Variants in VPS41 observed in about 807,000 individuals in gnomAD.
VPS41 encodes VPS41 subunit of HOPS complex.
A neutral mutation model predicts 130.9 loss-of-function variants in VPS41; 85 were observed. The observed-to-expected ratio is 0.65, with a 90% confidence interval of 0.55 to 0.78. The LOEUF (loss-of-function observed/expected upper bound fraction) is 0.78, where lower values mean the gene tolerates loss of function less well. Ranked by LOEUF, VPS41 falls within the 30% of genes least tolerant of loss-of-function variation. The pLI is 0.00. For synonymous variants in VPS41, 335 were observed against 332.9 expected (o/e 1.01, Z -0.07); for missense variants, 874 against 1,018.7 (o/e 0.86, Z 1.93).
At chr7:38,879,338 T>C (rs1786553716) in intron 2 of VPS41, among the ~76,000 whole-genome samples, 2 of 152,248 alleles carry the variant, frequency 1.3e-5, no homozygotes, top group South Asian at 4.2e-4. Flanking sequence ...GCCGGCTGCA[T>C]TCACTCCTCC....
rs555615898 is a variant in VPS41, at chr7:38,765,360, A to G, written c.1329+220T>C. 5.3e-5 allele frequency among the ~76,000 whole-genome samples: 8 copies of G among 152,234 alleles called. 1 individual carries two copies. In the East Asian group the frequency reaches 1.4e-3, roughly 26 times the overall value. ...TAAACACAGAGAGAATTGGAAAGAG[A>G]TAAGTGAACACATTGTATATGTAAT... On this transcript the variant is annotated intron_variant, in intron 16 of 28. Transcript: ENST00000310301.
intron 3 of VPS41, among the ~76,000 whole-genome samples, chr7:38,865,231 C>T (rs971896335): frequency 5.9e-5 from 9 of 152,160 alleles, no homozygotes; most frequent in African/African-American, 2.2e-4. Context: ...CTAAAACACT[C>T]AACTGGATCA....
intron 21 of VPS41, among the ~76,000 whole-genome samples, chr7:38,753,418 C>A (rs1176368654): frequency 6.6e-6 from 1 of 152,018 alleles, no homozygotes; most frequent in Non-Finnish European, 1.5e-5. Context: ...AACTCATGTG[C>A]CAGGCAGAGG....
chr7:38,796,985 T>A (rs1711762418), intron 7 of VPS41, 121 bp from the exon 8 acceptor site: 4 of 1,076,572 alleles, frequency 3.7e-6, no homozygotes, highest in East Asian at 4.9e-5. Flanking sequence ...TCGACGTCTT[T>A]AATGTAGACT....
intron 4 of VPS41, among the ~76,000 whole-genome samples, chr7:38,852,629 A>G (rs1584428096): frequency 6.6e-6 from 1 of 152,226 alleles, no homozygotes; most frequent in African/African-American, 2.4e-5. Flanking sequence ...AGCCAAATAA[A>G]TAAGTTCTAG....
At chr7:38,875,903 A>G (rs1015559659) in intron 2 of VPS41, among the ~76,000 whole-genome samples, 1 of 152,254 alleles carries the variant, frequency 6.6e-6, no homozygotes, top group Non-Finnish European at 1.5e-5. Flanking sequence ...AGGAGCTGAT[A>G]AATGTAATCT....
intron 22 of VPS41, among the ~76,000 whole-genome samples, chr7:38,746,783 T>C (rs1795993465): frequency 6.6e-6 from 1 of 152,232 alleles, no homozygotes; most frequent in Non-Finnish European, 1.5e-5. Flanking sequence ...CCTTAATTTC[T>C]GTGCAGCTTC....
At chr7:38,868,590 C>A (rs1056231589) in intron 3 of VPS41, among the ~76,000 whole-genome samples, 1 of 152,092 alleles carries the variant, frequency 6.6e-6, no homozygotes, top group Non-Finnish European at 1.5e-5. Context: ...AATAGGCTAA[C>A]GGTGCTATCT....
At chr7:38,791,999 C>T (rs905049976) in intron 9 of VPS41, among the ~76,000 whole-genome samples, 3 of 152,132 alleles carry the variant, frequency 2.0e-5, no homozygotes, top group African/African-American at 7.2e-5. Flanking sequence ...GATGAGGACA[C>T]TGAGGCTCTG....
At chr7:38,732,552 C>T (rs1795685943) in intron 25 of VPS41, among the ~76,000 whole-genome samples, 1 of 151,978 alleles carries the variant, frequency 6.6e-6, no homozygotes, top group African/African-American at 2.4e-5. Context: ...ATTGAACATA[C>T]AGATGATTAT....
Position 38,743,452 on chromosome 7 carries a change from T to C in VPS41, c.2072A>G (p.Asp691Gly), listed in dbSNP as rs1246221159. 2 of 1,614,050 alleles carry C rather than the reference T, an allele frequency of 1.2e-6. No homozygotes were observed. The highest frequency in any genetic ancestry group is 2.2e-5 in the South Asian group (2 of 91,078). The change falls in exon 24 of 29, where the codon GAT becomes GGT. Residue 691 changes from aspartate (D) to glycine (G), a missense_variant. Transcript: ENST00000310301. ...DKAIEFAKEQ[D>G]DGELWEDLIL... ...CAAATCTTCCCACAGCTCTCCATCA[T>C]CTTGCTCCTTGGCAAATTCGATTGC... is the stretch of plus-strand genomic sequence containing the variant.
At chr7:38,781,552 T>C (rs898639774) in intron 10 of VPS41, among the ~76,000 whole-genome samples, 7 of 152,242 alleles carry the variant, frequency 4.6e-5, no homozygotes, top group African/African-American at 1.7e-4. Flanking sequence ...TCCCATTCTC[T>C]AGTTTTATTT....
intron 25 of VPS41, among the ~76,000 whole-genome samples, 163 bp downstream of exon 25, chr7:38,741,822 C>T (rs1357114962): frequency 2.0e-5 from 3 of 152,182 alleles, no homozygotes; most frequent in African/African-American, 7.2e-5. Context: ...GGTGATGTTT[C>T]TAATTACTCT....
chr7:38,775,509 C>T (rs1461282952), intron 11 of VPS41: 2 of 152,110 alleles, frequency 1.3e-5, no homozygotes, highest in Non-Finnish European at 1.5e-5. Flanking sequence ...CTCAATCTTT[C>T]CTGCATTCCT....
chr7:38,833,122 C>A (rs1443680981), intron 4 of VPS41, among the ~76,000 whole-genome samples: 2 of 152,164 alleles, frequency 1.3e-5, no homozygotes, highest in Non-Finnish European at 2.9e-5. Context: ...TAATCTTTCA[C>A]AACTCCTATC....
intron 16 of VPS41, among the ~76,000 whole-genome samples, chr7:38,763,977 C>G (rs1783975091): frequency 6.6e-6 from 1 of 152,124 alleles, no homozygotes; most frequent in South Asian, 2.1e-4. Flanking sequence ...AAAAATACAT[C>G]TTGTGTTCTT....
intron 4 of VPS41, among the ~76,000 whole-genome samples, chr7:38,845,944 T>C (rs1785715062): frequency 6.6e-6 from 1 of 152,230 alleles, no homozygotes; most frequent in Non-Finnish European, 1.5e-5. Flanking sequence ...TAAAAATTAT[T>C]TGTTCTTAAA....
intron 1 of VPS41, among the ~76,000 whole-genome samples, chr7:38,908,571 C>A (rs191053016): frequency 2.0e-5 from 3 of 152,282 alleles, no homozygotes; most frequent in East Asian, 3.9e-4. Context: ...CTTATTATTA[C>A]CCCCATCTCA....
At chr7:38,908,355 T>A (rs1280755077) in intron 1 of VPS41, among the ~76,000 whole-genome samples, 1 of 152,256 alleles carries the variant, frequency 6.6e-6, no homozygotes, top group African/African-American at 2.4e-5. Flanking sequence ...ATAAAATGTG[T>A]GATTACCACT....
Sources: gnomAD v4.1 joint callset for allele counts (sites outside exome capture counted in the v4.1 genomes callset) on GRCh38, gnomAD v4.1.1 for gene constraint, MANE v1.5 for transcripts, NCBI Gene and HGNC (gene_info 2026-07-23, HGNC 2026-07-21) for gene names.